Variants in CHID1 observed in about 807,000 individuals in gnomAD.
CHID1 encodes chitinase domain-containing protein 1.
A neutral mutation model predicts 55.4 loss-of-function variants in CHID1; 44 were observed. The observed-to-expected ratio is 0.79, with a 90% confidence interval of 0.62 to 1.02. The LOEUF (loss-of-function observed/expected upper bound fraction) is 1.02. Ranked by LOEUF, CHID1 falls within the 50% of genes least tolerant of loss-of-function variation. The pLI, the probability that CHID1 is intolerant of heterozygous loss-of-function variation, is 0.00. For missense variants in CHID1, 491 were observed against 515.3 expected, an observed-to-expected ratio of 0.95 and a Z score of 0.46; for synonymous variants, 216 against 212.9, an observed-to-expected ratio of 1.01 and a Z score of -0.13.
At chr11:901,069 A>C in intron 4 of CHID1, 89 bp from the exon 5 acceptor site, 2 of 1,250,290 alleles carry the variant, frequency 1.6e-6, no homozygotes, top group Non-Finnish European at 2.3e-6. Flanking sequence ...TGGCAGCCGC[A>C]CAATACGCAA....
chr11:894,652 G>A (rs1296820554), intron 7 of CHID1, among the ~76,000 whole-genome samples: 1 of 152,214 alleles, frequency 6.6e-6, no homozygotes, highest in South Asian at 2.1e-4. Flanking sequence ...GATGACAGGA[G>A]GACTGAGAGT....
rs750308081 is a variant in CHID1, at chr11:884,076, T to G, written c.795A>C (p.Thr265=). The G allele has an allele frequency of 6.2e-7, 1 of 1,613,548 alleles. No individual in the cohort carries two copies. Among genetic ancestry groups the G allele is most frequent in the Non-Finnish European group, 8.5e-7 (1 of 1,179,484 alleles). The change falls in exon 9 of 13, where the codon ACA becomes ACC. Residue 265 remains threonine, a synonymous_variant. Transcript: ENST00000323578. ...GFSLMTYDYS[T]AHQPGPNAPL... ...CCCAAGCCCACACTCACTGATGCGCTGTAGAGTAGTCGTAGGTCATGAGGC... is the reference window on the plus strand; with the variant it reads ...CCCAAGCCCACACTCACTGATGCGCGGTAGAGTAGTCGTAGGTCATGAGGC...
chr11:872,487 G>A (rs1366319317), intron 10 of CHID1, among the ~76,000 whole-genome samples: 2 of 152,168 alleles, frequency 1.3e-5, no homozygotes, highest in Non-Finnish European at 2.9e-5. Context: ...GATGGCAGCA[G>A]TGGCTGGCAG....
At chr11:914,577 A>C (rs1292343355), upstream of CHID1, 1 of 1,289,412 alleles carries the variant, frequency 7.8e-7, no homozygotes, top group East Asian at 5.5e-5. Context: ...CATCCTCAAA[A>C]GCACTCGAAG....
In CHID1 at chr11:872,435, G is replaced by T. The variant is rs183885624; in HGVS notation, c.960-1936C>A. Among the ~76,000 whole-genome samples, 789 of 152,326 alleles carry T rather than the reference G, an allele frequency of 5.2e-3. 4 individuals are homozygous for T. The highest frequency in any genetic ancestry group is 6.8e-3 in the Non-Finnish European group (466 of 68,040). The stretch of plus-strand genomic sequence containing the variant: ...GCCTCCCAAAGTGTTAGGATTACAG[G>T]CGTGAGCCACCGCACCCAGTCCCTC... On this transcript the variant is annotated intron_variant, in intron 10 of 12. Coordinates refer to ENST00000323578, the MANE Select transcript of CHID1 (RefSeq NM_023947.4).
At chr11:905,484 A>G (rs1365466594) in intron 1 of CHID1, among the ~76,000 whole-genome samples, 1 of 152,204 alleles carries the variant, frequency 6.6e-6, no homozygotes, top group African/African-American at 2.4e-5. Context: ...AGCCTGACCA[A>G]CATGGTGAAA....
intron 1 of CHID1, among the ~76,000 whole-genome samples, chr11:905,261 C>A (rs1852124962): frequency 6.6e-6 from 1 of 152,390 alleles, no homozygotes; most frequent in African/African-American, 2.4e-5. Flanking sequence ...ACAGGCTGGG[C>A]CACGTGGCGG....
At chr11:913,666 G>A (rs1037303185), upstream of CHID1, among the ~76,000 whole-genome samples, 1 of 151,940 alleles carries the variant, frequency 6.6e-6, no homozygotes, top group African/African-American at 2.4e-5. Flanking sequence ...CCAGCTACTT[G>A]GGATGCTGAG....
intron 1 of CHID1, 69 bp downstream of exon 1, chr11:910,706 C>T: frequency 7.9e-7 from 1 of 1,258,606 alleles, no homozygotes; most frequent in Non-Finnish European, 1.0e-6. Context: ...CCCGGCGCGC[C>T]CACTTTGCGG....
upstream of CHID1, chr11:914,428 T>C: frequency 3.4e-6 from 3 of 892,422 alleles, no homozygotes; most frequent in South Asian, 4.2e-5. Context: ...GGGGACAGAG[T>C]AGGGCAGGGG....
chr11:893,384 G>C (rs768660457), intron 8 of CHID1, 43 bp downstream of exon 8: 1 of 1,505,368 alleles, frequency 6.6e-7, no homozygotes, highest in Admixed American at 2.0e-5. Context: ...CCCGACCCCA[G>C]AGCCCTCCAC....
chr11:883,252 C>T lies in CHID1; in HGVS notation c.855G>A (p.Leu285=), dbSNP rs780531011. Residue 285 remains leucine, a synonymous_variant, in exon 10 of 13, where the codon CTG becomes CTA. Coordinates refer to ENST00000323578, the MANE Select transcript of CHID1 (RefSeq NM_023947.4). ...TGCTTCGCCACTTGGACTTCGGGTC[C>T]AGGACCTGGACGCAGGCTCGAACCC... The part of the protein sequence containing the change: ...LSWVRACVQV[L]DPKSKWRSKI... 1.9e-6 allele frequency: 3 copies of T among 1,614,164 alleles called. No individual in the cohort carries two copies. In the Admixed American group the frequency reaches 5.0e-5, roughly 27 times the overall value.
At chr11:884,523 T>C (rs1850252937) in intron 8 of CHID1, among the ~76,000 whole-genome samples, 1 of 152,026 alleles carries the variant, frequency 6.6e-6, no homozygotes, top group African/African-American at 2.4e-5. Context: ...GTTGCTGAGA[T>C]GGAGGTGACT....
chr11:881,288 A>G (rs77432952), intron 10 of CHID1, among the ~76,000 whole-genome samples: 17 of 152,032 alleles, frequency 1.1e-4, no homozygotes, highest in Non-Finnish European at 2.2e-4. Flanking sequence ...CATAAAAAAT[A>G]AAAAAAATTG....
At chr11:901,055 A>G (rs1851773990) in intron 4 of CHID1, 75 bp from the exon 5 acceptor site, 11 of 1,408,972 alleles carry the variant, frequency 7.8e-6, no homozygotes, top group Non-Finnish European at 1.1e-5. Context: ...TGAGGAGGAA[A>G]ACGTGGCAGC....
chr11:914,460 C>A (rs1400743467), upstream of CHID1: 12 of 1,161,550 alleles, frequency 1.0e-5, no homozygotes, highest in African/African-American at 1.6e-5. Flanking sequence ...GGTGAGGAGG[C>A]CTGCAGAGAT....
At chr11:872,748 G>C (rs1003453967) in intron 10 of CHID1, among the ~76,000 whole-genome samples, 1 of 152,346 alleles carries the variant, frequency 6.6e-6, no homozygotes, top group African/African-American at 2.4e-5. Flanking sequence ...TATCTGCTGG[G>C]TGGCTCTGTG....
intron 10 of CHID1, among the ~76,000 whole-genome samples, chr11:871,850 C>T (rs992799400): frequency 1.9e-4 from 29 of 152,164 alleles, no homozygotes; most frequent in African/African-American, 2.4e-5. Context: ...CCTTTCTGCT[C>T]CTGCCCAGGA....
intron 8 of CHID1, among the ~76,000 whole-genome samples, chr11:886,670 C>T (rs553945434): frequency 9.8e-5 from 15 of 152,294 alleles, no homozygotes; most frequent in Admixed American, 5.9e-4. Flanking sequence ...AAAAAGGTGC[C>T]GACTGCACCA....
Sources: allele counts gnomAD v4.1 joint callset (sites outside exome capture counted in the v4.1 genomes callset), GRCh38; gene constraint gnomAD v4.1.1; transcripts MANE v1.5; gene names NCBI Gene and HGNC (gene_info 2026-07-23, HGNC 2026-07-21).